The following GNG7 variants were observed in gnomAD, a reference collection of about 807,000 sequenced individuals.
GNG7 encodes guanine nucleotide-binding protein G(I)/G(S)/G(O) subunit gamma-7.
GNG7 carries 1 observed loss-of-function variant against 4.0 expected under a neutral mutation model. The ratio of observed to expected loss-of-function variants is 0.25; its 90% CI spans 0.09 to 1.18. The LOEUF is 1.18. Among genes scored for constraint, GNG7 ranks in the 50% most tolerant of loss-of-function variants. GNG7 has a pLI of 0.50. For synonymous variants in GNG7, 34 were observed against 36.9 expected (o/e 0.92, Z 0.29); for missense variants, 86 against 91.9 (o/e 0.94, Z 0.26).
chr19:2,638,512 A>G (rs1599434652), intron 2 of GNG7, among the ~76,000 whole-genome samples: 1 of 12,386 alleles, frequency 8.1e-5, no homozygotes, highest in Non-Finnish European at 1.9e-4. Flanking sequence ...ATGGAAGGGG[A>G]GGGGAGGGGA....
chr19:2,567,952 G>A (rs538966898), intron 2 of GNG7, among the ~76,000 whole-genome samples: 1 of 152,206 alleles, frequency 6.6e-6, no homozygotes, highest in South Asian at 2.1e-4. Flanking sequence ...GAAGTAGGGC[G>A]TTCACAACGC....
chr19:2,525,970 A>ACTTTTTTTTTT, intron 3 of GNG7, among the ~76,000 whole-genome samples: 1 of 26,782 alleles, frequency 3.7e-5, no homozygotes, highest in African/African-American at 2.9e-4. Flanking sequence ...CCTCCACGCC[A>ACTTTTTTTTTT]ATTTTTTTTT....
At chr19:2,559,667 G>C (rs955872819) in intron 2 of GNG7, among the ~76,000 whole-genome samples, 1 of 142,732 alleles carries the variant, frequency 7.0e-6, no homozygotes. Flanking sequence ...GGCATGCACC[G>C]CCATGCCCAG....
intron 2 of GNG7, among the ~76,000 whole-genome samples, chr19:2,620,936 A>G (rs1299411373): frequency 6.6e-6 from 1 of 152,164 alleles, no homozygotes; most frequent in African/African-American, 2.4e-5. Flanking sequence ...AGTTTCATTT[A>G]TAAAAGGGGT....
intron 2 of GNG7, among the ~76,000 whole-genome samples, chr19:2,578,939 C>T (rs1466941987): frequency 6.6e-6 from 1 of 152,252 alleles, no homozygotes; most frequent in Admixed American, 6.5e-5. Flanking sequence ...CAGACTGACC[C>T]CGGCATGGAA....
At chr19:2,608,438 T>C (rs897592523) in intron 2 of GNG7, among the ~76,000 whole-genome samples, 2 of 151,960 alleles carry the variant, frequency 1.3e-5, no homozygotes, top group Non-Finnish European at 2.9e-5. Context: ...GCAGGCACAC[T>C]GACGGCCTCG....
At chr19:2,592,554 G>T (rs555864157) in intron 2 of GNG7, among the ~76,000 whole-genome samples, 252 of 151,076 alleles carry the variant, frequency 1.7e-3, no homozygotes, top group African/African-American at 6.1e-3. Context: ...GGGAAACATA[G>T]CAAGATCCTA....
intron 2 of GNG7, among the ~76,000 whole-genome samples, chr19:2,559,810 C>CTAACTTTTGTATTTTTTG (rs1555693845): frequency 6.3e-4 from 96 of 151,500 alleles, no homozygotes; most frequent in Middle Eastern, 3.4e-3. Flanking sequence ...CCGTGCCTGG[C>CTAACTTTTGTATTTTTTG]TCAAAGGTGT....
chr19:2,639,702 G>A, intron 2 of GNG7, among the ~76,000 whole-genome samples: 1 of 11,202 alleles, frequency 8.9e-5, no homozygotes, highest in Non-Finnish European at 1.9e-4. Context: ...GGCAGGGAGT[G>A]GGGGAGGAGG....
Position 2,609,490 on chromosome 19 carries a change from C to T in GNG7, c.-78+36734G>A, listed in dbSNP as rs1258329176. Among the ~76,000 whole-genome samples the T allele has an allele frequency of 1.3e-5, 2 of 152,156 alleles. No homozygotes were observed. Among genetic ancestry groups the T allele is most frequent in the African/African-American group, 2.4e-5 (1 of 41,426 alleles). ...GTAACAACTGCAGTTTAGCCGCTCA[C>T]TTGCTGGAGGACCTCAGGCTCTCTT... On this transcript the variant is annotated intron_variant, in intron 2 of 4. Coordinates refer to ENST00000382159, the MANE Select transcript of GNG7 (RefSeq NM_052847.3). The surrounding 1 kb of genome is among the most constrained non-coding windows in gnomAD (Gnocchi z 4.4).
At chr19:2,604,561 C>T (rs1171470235) in intron 2 of GNG7, among the ~76,000 whole-genome samples, 3 of 117,840 alleles carry the variant, frequency 2.5e-5, no homozygotes, top group Admixed American at 1.1e-4. Context: ...AGGAAGGAAG[C>T]GAGGGACAGA....
chr19:2,657,361 A>AAAAAATATATATAT (rs1555701153), intron 1 of GNG7, among the ~76,000 whole-genome samples: 1 of 16,334 alleles, frequency 6.1e-5, no homozygotes, highest in Non-Finnish European at 1.0e-4. Context: ...AAAAAAAAAA[A>AAAAAATATATATAT]ATATATATAT....
intron 2 of GNG7, among the ~76,000 whole-genome samples, chr19:2,579,440 A>G (rs951534144): frequency 6.6e-6 from 1 of 152,320 alleles, no homozygotes; most frequent in African/African-American, 2.4e-5. Flanking sequence ...GGAAGATAGC[A>G]GAGTCAACAG....
chr19:2,642,500 G>A, intron 2 of GNG7: 2 of 344,968 alleles, frequency 5.8e-6, no homozygotes, highest in South Asian at 2.3e-5. Context: ...TCAGTAGCTG[G>A]GATTTCAGGT....
rs552329327 is a variant in GNG7, at chr19:2,557,257, GCA to G, written c.-77-2071_-77-2070del. 5.5e-4 allele frequency among the ~76,000 whole-genome samples: 82 copies of G among 148,956 alleles called. No individual in the cohort carries two copies. Among genetic ancestry groups the G allele is most frequent in the Admixed American group, 5.3e-4 (8 of 15,064 alleles). ...CAGACGCACATGTGCACACACACGT[GCA>G]CACACATTTGCACACACAGACACGT... is the stretch of plus-strand genomic sequence containing the variant. On this transcript the variant is annotated intron_variant, in intron 2 of 4. Transcript: ENST00000382159. The surrounding 1 kb of genome is among the most constrained non-coding windows in gnomAD (Gnocchi z 5.1).
chr19:2,592,780 A>C (rs1599409996), intron 2 of GNG7, among the ~76,000 whole-genome samples: 1 of 102,518 alleles, frequency 9.8e-6, no homozygotes, highest in African/African-American at 3.9e-5. Flanking sequence ...GGAAGGAAGG[A>C]GAGGGAGGGA....
intron 2 of GNG7, among the ~76,000 whole-genome samples, chr19:2,627,565 C>T (rs958444438): frequency 6.6e-6 from 1 of 152,236 alleles, no homozygotes; most frequent in Admixed American, 6.5e-5. Flanking sequence ...CTGTCACTCC[C>T]GGCTGATTCT....
At chr19:2,632,894 G>T (rs1298893857) in intron 2 of GNG7, 3 of 152,284 alleles carry the variant, frequency 2.0e-5, no homozygotes, top group Admixed American at 6.5e-5. Context: ...GCCACAGTGG[G>T]CTCTGCACTG....
rs142778132 is a variant in GNG7, at chr19:2,681,006, A to G, written c.-135+21640T>C. ...CTTACTGGGCGTGAAGTGGTATCTCACCATGGCTCTGATTTGCATTTCCCT... is the reference window on the plus strand; with the variant it reads ...CTTACTGGGCGTGAAGTGGTATCTCGCCATGGCTCTGATTTGCATTTCCCT... On this transcript the variant is annotated intron_variant, in intron 1 of 4. Coordinates refer to ENST00000382159, the MANE Select transcript of GNG7 (RefSeq NM_052847.3). Among the ~76,000 whole-genome samples, 569 of 152,082 alleles carry G rather than the reference A, an allele frequency of 3.7e-3. 5 individuals are homozygous for G. The highest frequency in any genetic ancestry group is 0.012 in the African/African-American group (512 of 41,474).
Sources: gnomAD v4.1 joint callset for allele counts (sites outside exome capture counted in the v4.1 genomes callset) on GRCh38, gnomAD v4.1.1 for gene constraint, Gnocchi (gnomAD v3.1) non-coding constraint, MANE v1.5 for transcripts, NCBI Gene and HGNC (gene_info 2026-07-23, HGNC 2026-07-21) for gene names.